PNLIPRP3: variants seen among roughly 807,000 people sequenced by gnomAD.
PNLIPRP3 encodes pancreatic lipase related protein 3, also known as pancreatic lipase-related protein 3.
PNLIPRP3 carries 58 observed loss-of-function variants against 52.8 expected under a neutral mutation model. The ratio of observed to expected loss-of-function variants is 1.10; its 90% CI spans 0.89 to 1.37. The LOEUF is 1.37. PNLIPRP3 is among the 40% of genes most tolerant of loss of function. The pLI is 0.00. For synonymous variants in PNLIPRP3, 192 were observed against 185.0 expected, an observed-to-expected ratio of 1.04 and a Z score of -0.31; for missense variants, 593 against 561.6, an observed-to-expected ratio of 1.06 and a Z score of -0.57.
At chr10:116,455,182 T>C (rs888153154) in intron 4 of PNLIPRP3, among the ~76,000 whole-genome samples, 3 of 152,266 alleles carry the variant, frequency 2.0e-5, no homozygotes, top group Admixed American at 6.5e-5. Flanking sequence ...CTTCTTTTGA[T>C]AACTATTCAA....
At chr10:116,446,575 G>A (rs1224311081) in intron 4 of PNLIPRP3, among the ~76,000 whole-genome samples, 1 of 152,214 alleles carries the variant, frequency 6.6e-6, no homozygotes, top group East Asian at 1.9e-4. Context: ...TGATAATTAT[G>A]AGAGCCTGAA....
At chr10:116,458,078 C>A (rs927930557) in intron 5 of PNLIPRP3, among the ~76,000 whole-genome samples, 1 of 152,120 alleles carries the variant, frequency 6.6e-6, no homozygotes, top group African/African-American at 2.4e-5. Context: ...TAAGGACATA[C>A]ATAAGTTTTT....
intron 4 of PNLIPRP3, among the ~76,000 whole-genome samples, chr10:116,452,641 G>A (rs1454125455): frequency 6.6e-6 from 1 of 152,198 alleles, no homozygotes; most frequent in Non-Finnish European, 1.5e-5. Context: ...CAGCTGCTCA[G>A]GCTCCACCCT....
chr10:116,439,642 C>A, intron 2 of PNLIPRP3: 1 of 762,600 alleles, frequency 1.3e-6, no homozygotes. Flanking sequence ...TTTTTCGCTG[C>A]CATTTAAGTT....
chr10:116,467,097 T>C (rs1179597764), intron 8 of PNLIPRP3, among the ~76,000 whole-genome samples: 1 of 152,196 alleles, frequency 6.6e-6, no homozygotes, highest in African/African-American at 2.4e-5. Context: ...TATTTGGAGA[T>C]AAGAGTTAAT....
intron 5 of PNLIPRP3, among the ~76,000 whole-genome samples, chr10:116,456,501 T>C (rs1162745850): frequency 6.6e-6 from 1 of 152,204 alleles, no homozygotes; most frequent in African/African-American, 2.4e-5. Context: ...TTAAAAAGAA[T>C]GAGTTTGAAT....
intron 5 of PNLIPRP3, among the ~76,000 whole-genome samples, chr10:116,456,688 C>T (rs1353584990): frequency 6.6e-6 from 1 of 152,214 alleles, no homozygotes; most frequent in South Asian, 2.1e-4. Flanking sequence ...TCCCCACATT[C>T]TGTTTTCCAA....
At chr10:116,428,115 C>T in intron 1 of PNLIPRP3, 54 bp downstream of exon 1, 2 of 1,235,236 alleles carry the variant, frequency 1.6e-6, no homozygotes, top group Non-Finnish European at 2.3e-6. Flanking sequence ...ATACTTACAT[C>T]TAAAATGTAA....
At chr10:116,452,974 T>A (rs1846060390) in intron 4 of PNLIPRP3, among the ~76,000 whole-genome samples, 1 of 152,144 alleles carries the variant, frequency 6.6e-6, no homozygotes. Flanking sequence ...GCCCTCCAGA[T>A]CCCAGAATGT....
intron 9 of PNLIPRP3, among the ~76,000 whole-genome samples, chr10:116,470,514 ATT>A (rs34751726): frequency 7.0e-6 from 1 of 142,462 alleles, no homozygotes; most frequent in Admixed American, 7.1e-5. Flanking sequence ...TATATATATA[ATT>A]TTTTTTTTTT....
At chr10:116,454,629 T>C (rs1414517025) in intron 4 of PNLIPRP3, among the ~76,000 whole-genome samples, 3 of 152,232 alleles carry the variant, frequency 2.0e-5, no homozygotes, top group East Asian at 1.9e-4. Context: ...CTTACGTAGT[T>C]TGACTTTTTA....
intron 7 of PNLIPRP3, 115 bp from the exon 8 acceptor site, chr10:116,465,935 G>A: frequency 1.3e-6 from 1 of 765,608 alleles, no homozygotes; most frequent in Non-Finnish European, 2.3e-6. Flanking sequence ...TAGACAAAAG[G>A]TCTGGCCCTC....
At chr10:116,467,886 G>A (rs1181008713) in intron 8 of PNLIPRP3, among the ~76,000 whole-genome samples, 1 of 151,938 alleles carries the variant, frequency 6.6e-6, no homozygotes, top group East Asian at 1.9e-4. Flanking sequence ...AGCACTTTGG[G>A]AGGCCGAGGA....
intron 1 of PNLIPRP3, among the ~76,000 whole-genome samples, chr10:116,432,843 G>A (rs1191645043): frequency 6.6e-6 from 1 of 151,888 alleles, no homozygotes; most frequent in Non-Finnish European, 1.5e-5. Context: ...GGCCAGGCAC[G>A]GTGGCTCATG....
chr10:116,432,857 G>A (rs1162989805), intron 1 of PNLIPRP3, among the ~76,000 whole-genome samples: 1 of 151,988 alleles, frequency 6.6e-6, no homozygotes, highest in Non-Finnish European at 1.5e-5. Context: ...GCTCATGCCT[G>A]TAATCCCAGC....
In PNLIPRP3 at chr10:116,427,940, A is replaced by G; in HGVS notation, c.-73A>G. On this transcript the variant is annotated 5_prime_UTR_variant, in exon 1 of 12. Coordinates refer to ENST00000369230, the MANE Select transcript of PNLIPRP3 (RefSeq NM_001011709.3). ...ATCATTGTGAGGAAAACCACTTAGT[A>G]TTTTATAGTGAGGTGACTTTACAAG... The G allele has an allele frequency of 8.5e-7, 1 of 1,175,268 alleles. No homozygotes were observed. The highest frequency in any genetic ancestry group is 1.3e-6 in the Non-Finnish European group (1 of 787,442). 72.8% of individuals were successfully genotyped at this position (1,175,268 alleles called of 1,614,324 possible).
rs1846501574 is a variant in PNLIPRP3, at chr10:116,477,903, G to T, written c.*750G>T. 1 of 152,146 alleles carries T rather than the reference G, an allele frequency of 6.6e-6. No individual in the cohort carries two copies. The highest frequency in any genetic ancestry group is 1.5e-5 in the Non-Finnish European group (1 of 68,038). The allele number at this position is 152,146 out of a possible 1,614,324, so 9.4% of individuals were successfully genotyped here. On this transcript the variant is annotated 3_prime_UTR_variant, in exon 12 of 12. Coordinates refer to ENST00000369230, the MANE Select transcript of PNLIPRP3 (RefSeq NM_001011709.3). ...TTAGCCTCAAGGCAGCATTTCATTTGTAAAGCACTTGGGTAACCCTTTGTT... is the reference window on the plus strand; with the variant it reads ...TTAGCCTCAAGGCAGCATTTCATTTTTAAAGCACTTGGGTAACCCTTTGTT...
intron 8 of PNLIPRP3, 48 bp from the exon 9 acceptor site, chr10:116,469,137 C>T: frequency 6.5e-7 from 1 of 1,547,168 alleles, no homozygotes; most frequent in Non-Finnish European, 8.8e-7. Flanking sequence ...TATTGAAGGA[C>T]AACATTTCTA....
intron 7 of PNLIPRP3, among the ~76,000 whole-genome samples, chr10:116,463,835 A>G (rs1846235428): frequency 6.6e-6 from 1 of 152,178 alleles, no homozygotes; most frequent in Non-Finnish European, 1.5e-5. Flanking sequence ...GTTATGTAAA[A>G]TAAAAGAAAG....
Sources: allele counts gnomAD v4.1 joint callset (sites outside exome capture counted in the v4.1 genomes callset), GRCh38; gene constraint gnomAD v4.1.1; transcripts MANE v1.5; gene names NCBI Gene and HGNC (gene_info 2026-07-23, HGNC 2026-07-21).